Variants in ATAD1 observed in about 807,000 individuals in gnomAD.
ATAD1 encodes outer mitochondrial transmembrane helix translocase.
Under a neutral mutation model 42.7 loss-of-function variants are expected in ATAD1, and 18 were observed. The ratio of observed to expected loss-of-function variants is 0.42; its 90% CI spans 0.29 to 0.63. ATAD1 has a LOEUF of 0.63. ATAD1 is among the 20% of genes least tolerant of loss of function. The pLI, the probability that ATAD1 is intolerant of heterozygous loss-of-function variation, is 0.19. For synonymous variants in ATAD1, 132 were observed against 143.1 expected (o/e 0.92, Z 0.55); for missense variants, 294 against 440.4 (o/e 0.67, Z 2.98).
At chr10:87,815,253 G>T (rs1250982064) in intron 1 of ATAD1, among the ~76,000 whole-genome samples, 1 of 151,844 alleles carries the variant, frequency 6.6e-6, no homozygotes, top group Non-Finnish European at 1.5e-5. Context: ...ACTACTACAA[G>T]AATACAGCAC....
intron 2 of ATAD1, among the ~76,000 whole-genome samples, chr10:87,793,251 T>C (rs1311495371): frequency 6.6e-6 from 1 of 152,216 alleles, no homozygotes; most frequent in Non-Finnish European, 1.5e-5. Context: ...ACATATCCCA[T>C]TTTAAATTGC....
chr10:87,776,447 A>G lies in ATAD1; in HGVS notation c.584-20T>C. On this transcript the variant is annotated intron_variant, in intron 5 of 9. Transcript: ENST00000680024. Reference sequence around the variant, plus strand: ...AGGAGTCTAGAAGTAAAAGGTCCTTAACCTTAGAAATTAAGAATTAATTAT... The same window carrying G: ...AGGAGTCTAGAAGTAAAAGGTCCTTGACCTTAGAAATTAAGAATTAATTAT... 1 of 1,557,080 alleles carries G rather than the reference A, an allele frequency of 6.4e-7. No individual in the cohort carries two copies.
chr10:87,834,680 A>T (rs1312464153), intron 1 of ATAD1, among the ~76,000 whole-genome samples: 1 of 151,918 alleles, frequency 6.6e-6, no homozygotes, highest in South Asian at 2.1e-4. Context: ...CTTGCAAGAG[A>T]TTTGTGAATT....
chr10:87,760,401 T>C (rs1197085255), intron 8 of ATAD1, among the ~76,000 whole-genome samples: 1 of 152,210 alleles, frequency 6.6e-6, no homozygotes, highest in Non-Finnish European at 1.5e-5. Flanking sequence ...TGGTAAGACA[T>C]GCTTGCTTCC....
intron 9 of ATAD1, 50 bp from the exon 10 acceptor site, chr10:87,754,857 C>T (rs750784825): frequency 6.4e-6 from 10 of 1,572,530 alleles, no homozygotes; most frequent in African/African-American, 1.4e-5. Flanking sequence ...TAGAATATGC[C>T]TCCCTAAAAT....
chr10:87,837,991 C>A lies in ATAD1; in HGVS notation c.-14+3196G>T, dbSNP rs563230087. 1.1e-4 allele frequency among the ~76,000 whole-genome samples: 16 copies of A among 152,284 alleles called. No individual in the cohort carries two copies. The East Asian group carries it at 2.7e-3, about 26-fold the overall frequency. ...GGAGATGCTTTTCCTGCTCCTTGAG[C>A]CAGAACTAGAGGGCTTCTCCTGGGG... On this transcript the variant is annotated intron_variant, in intron 1 of 4. Coordinates refer to the ATAD1 transcript ENST00000495903.
At chr10:87,765,521 C>T (rs989419993) in intron 8 of ATAD1, among the ~76,000 whole-genome samples, 4 of 151,500 alleles carry the variant, frequency 2.6e-5, no homozygotes, top group African/African-American at 9.7e-5. Context: ...CCAATAAAAT[C>T]GGAAGACAAC....
intron 1 of ATAD1, among the ~76,000 whole-genome samples, chr10:87,823,930 A>G (rs1857677653): frequency 6.6e-6 from 1 of 152,240 alleles, no homozygotes; most frequent in Admixed American, 6.5e-5. Flanking sequence ...ACCTTGAAAC[A>G]TATGTGAAAC....
intron 2 of ATAD1, among the ~76,000 whole-genome samples, chr10:87,799,794 T>A (rs202131181): frequency 0.037 from 2,938 of 78,400 alleles, 101 homozygotes; most frequent in African/African-American, 0.12. Flanking sequence ...TTTTTTTTTT[T>A]AAAAAGTGTG....
chr10:87,771,963 T>A (rs915781650), intron 6 of ATAD1, among the ~76,000 whole-genome samples: 1 of 152,132 alleles, frequency 6.6e-6, no homozygotes, highest in Non-Finnish European at 1.5e-5. Context: ...CCTAAGAGGT[T>A]TTACATTTCT....
upstream of ATAD1, among the ~76,000 whole-genome samples, chr10:87,822,428 A>G (rs962528706): frequency 2.8e-4 from 42 of 152,210 alleles, no homozygotes; most frequent in African/African-American, 1.0e-3. Context: ...AATATAGAAC[A>G]CAATGGAGTA....
intron 5 of ATAD1, among the ~76,000 whole-genome samples, chr10:87,777,635 A>G (rs1397450106): frequency 6.6e-6 from 1 of 152,020 alleles, no homozygotes; most frequent in Non-Finnish European, 1.5e-5. Flanking sequence ...AGGATTTTCT[A>G]GTACAATCCC....
chr10:87,790,278 A>G (rs1856032450), intron 4 of ATAD1, 32 bp downstream of exon 4: 1 of 1,590,146 alleles, frequency 6.3e-7, no homozygotes, highest in Non-Finnish European at 8.5e-7. Context: ...TAGGATTTTA[A>G]TGCTTTAGGC....
At chr10:87,789,301 T>C (rs1487921833) in intron 4 of ATAD1, among the ~76,000 whole-genome samples, 3 of 152,234 alleles carry the variant, frequency 2.0e-5, no homozygotes, top group African/African-American at 7.2e-5. Context: ...GAGTTTCTGC[T>C]AGATGAAAAT....
chr10:87,828,907 G>A (rs1225111691), intron 1 of ATAD1, among the ~76,000 whole-genome samples: 1 of 152,162 alleles, frequency 6.6e-6, no homozygotes, highest in East Asian at 1.9e-4. Flanking sequence ...TCTTTTTACA[G>A]CATGGTTTTC....
intron 8 of ATAD1, among the ~76,000 whole-genome samples, chr10:87,757,150 G>A (rs1854259453): frequency 6.6e-6 from 1 of 151,728 alleles, no homozygotes. Context: ...ACACTGTAGA[G>A]TGATGGGGAA....
rs776670424 is a variant in ATAD1, at chr10:87,784,536, A to G, written c.517T>C (p.Leu173=). The change falls in exon 5 of 10, where the codon TTG becomes CTG. Residue 173 remains leucine (L), a synonymous_variant. Transcript: ENST00000680024. The part of the protein sequence containing the change: ...TDKWYGESQK[L]AAAVFSLAIK... ...GCAAGGGAGAAGACAGCAGCAGCCAATTTCTGAGATTCTCCATACCACTTA... is the reference window on the plus strand; with the variant it reads ...GCAAGGGAGAAGACAGCAGCAGCCAGTTTCTGAGATTCTCCATACCACTTA... 3.7e-6 allele frequency: 6 copies of G among 1,613,690 alleles called. No homozygotes were observed. The highest frequency in any genetic ancestry group is 1.7e-5 in the Admixed American group (1 of 59,990).
intron 1 of ATAD1, among the ~76,000 whole-genome samples, chr10:87,824,382 G>A (rs1027091494): frequency 2.0e-5 from 3 of 152,122 alleles, no homozygotes; most frequent in South Asian, 2.1e-4. Context: ...GTATAAGAAC[G>A]TGAACTTGAC....
chr10:87,782,552 A>G (rs1348034712), intron 5 of ATAD1, among the ~76,000 whole-genome samples: 1 of 152,222 alleles, frequency 6.6e-6, no homozygotes, highest in Non-Finnish European at 1.5e-5. Context: ...GTTCTCTGTG[A>G]ATTATTTGGA....
Sources: gnomAD v4.1 joint callset for allele counts (sites outside exome capture counted in the v4.1 genomes callset) on GRCh38, gnomAD v4.1.1 for gene constraint, MANE v1.5 for transcripts, NCBI Gene and HGNC (gene_info 2026-07-23, HGNC 2026-07-21) for gene names.